The following RABGAP1L variants were observed in gnomAD, a reference collection of about 807,000 sequenced individuals.
RABGAP1L encodes the protein rab GTPase-activating protein 1-like.
A neutral mutation model predicts 137.7 loss-of-function variants in RABGAP1L; 63 were observed. The ratio of observed to expected loss-of-function variants is 0.46; its 90% CI spans 0.37 to 0.56. The LOEUF (loss-of-function observed/expected upper bound fraction) is 0.56, where lower values mean the gene tolerates loss of function less well. RABGAP1L is among the 20% of genes least tolerant of loss of function. The probability of loss-of-function intolerance (pLI) is 0.00; values close to 1 mark genes in which losing one functional copy is unlikely to be tolerated. For missense variants in RABGAP1L, 1,095 were observed against 1,244.0 expected, an observed-to-expected ratio of 0.88 and a Z score of 1.80; for synonymous variants, 431 against 433.7, an observed-to-expected ratio of 0.99 and a Z score of 0.08.
Position 174,780,120 on chromosome 1 carries a change from T to A in RABGAP1L, c.2211+27766T>A, listed in dbSNP as rs144879602. Among the ~76,000 whole-genome samples the A allele has an allele frequency of 6.8e-3, 951 of 140,482 alleles. 8 individuals are homozygous for A. Among genetic ancestry groups the A allele is most frequent in the Middle Eastern group, 0.019 (5 of 268 alleles). 92.2% of individuals were successfully genotyped at this position (140,482 alleles called of 152,430 possible). On this transcript the variant is annotated intron_variant, in intron 18 of 25. Coordinates refer to ENST00000681986, the MANE Select transcript of RABGAP1L (RefSeq NM_001366446.1). ...TAAATAAATAAATAAATAAATAAAT[T>A]AAATAAGCCCTAATTAAAATTTCCC... is the stretch of plus-strand genomic sequence containing the variant.
intron 19 of RABGAP1L, among the ~76,000 whole-genome samples, chr1:174,930,498 G>A (rs1192682484): frequency 6.6e-6 from 1 of 151,772 alleles, no homozygotes; most frequent in African/African-American, 2.4e-5. Flanking sequence ...TTTATTTTTT[G>A]TAGAGATAGG....
chr1:174,168,862 A>G (rs1354322266), intron 1 of RABGAP1L, among the ~76,000 whole-genome samples: 5 of 152,244 alleles, frequency 3.3e-5, no homozygotes, highest in Non-Finnish European at 2.9e-5. Context: ...TTAAAAGTTA[A>G]AAAAATATTT....
intron 11 of RABGAP1L, among the ~76,000 whole-genome samples, chr1:174,364,424 T>G (rs1478197352): frequency 4.7e-5 from 7 of 150,012 alleles, no homozygotes; most frequent in Non-Finnish European, 1.5e-5. Context: ...CCGGCTAATT[T>G]TTTGTATTTT....
chr1:174,828,274 CCCTCTA>C (rs1316496364), intron 19 of RABGAP1L, among the ~76,000 whole-genome samples: 1 of 147,672 alleles, frequency 6.8e-6, no homozygotes, highest in African/African-American at 2.5e-5. Context: ...GGTTTCTGTC[CCCTCTA>C]GTTTCCTCTG....
intron 13 of RABGAP1L, among the ~76,000 whole-genome samples, chr1:174,500,360 G>C (rs972898512): frequency 2.0e-5 from 3 of 152,108 alleles, no homozygotes; most frequent in Admixed American, 2.0e-4. Flanking sequence ...CATTACAGGT[G>C]TGAGCCACTG....
intron 13 of RABGAP1L, among the ~76,000 whole-genome samples, chr1:174,402,078 G>A (rs1056225757): frequency 1.3e-5 from 2 of 152,134 alleles, no homozygotes; most frequent in African/African-American, 4.8e-5. Context: ...CTCAGTAGAT[G>A]CTAAACGCTT....
intron 13 of RABGAP1L, among the ~76,000 whole-genome samples, chr1:174,596,285 A>G (rs1396487361): frequency 6.6e-6 from 1 of 150,896 alleles, no homozygotes; most frequent in Non-Finnish European, 1.5e-5. Context: ...CCGGTACCTC[A>G]GATGGAAATG....
chr1:174,200,803 G>T (rs929653809), intron 1 of RABGAP1L, among the ~76,000 whole-genome samples: 4 of 151,994 alleles, frequency 2.6e-5, no homozygotes, highest in Non-Finnish European at 5.9e-5. Context: ...ATGTTCTCTT[G>T]TCCCTGCTGG....
At chr1:174,615,166 G>T (rs572272551) in intron 13 of RABGAP1L, among the ~76,000 whole-genome samples, 1 of 152,118 alleles carries the variant, frequency 6.6e-6, no homozygotes, top group Non-Finnish European at 1.5e-5. Flanking sequence ...GCTTTTTACA[G>T]TTTCCAGTTT....
intron 7 of RABGAP1L, among the ~76,000 whole-genome samples, chr1:174,271,874 A>G (rs375492843): frequency 2.6e-5 from 4 of 152,096 alleles, no homozygotes; most frequent in South Asian, 2.1e-4. Flanking sequence ...TAAAGTTTGC[A>G]TAACTTTTTT....
intron 14 of RABGAP1L, among the ~76,000 whole-genome samples, chr1:174,652,802 T>C (rs942040298): frequency 2.0e-5 from 3 of 152,180 alleles, no homozygotes; most frequent in Admixed American, 6.5e-5. Context: ...TGGCAGTCTG[T>C]CCCTTAGCAG....
At chr1:174,223,899 C>T (rs1206024806) in intron 3 of RABGAP1L, among the ~76,000 whole-genome samples, 1 of 152,090 alleles carries the variant, frequency 6.6e-6, no homozygotes, top group Non-Finnish European at 1.5e-5. Flanking sequence ...CAGAAACAAA[C>T]CTATGTATAT....
chr1:174,389,005 C>T (rs1326938892), intron 12 of RABGAP1L, among the ~76,000 whole-genome samples: 1 of 151,518 alleles, frequency 6.6e-6, no homozygotes, highest in Non-Finnish European at 1.5e-5. Context: ...GCTTTTTCTG[C>T]TGTTTTTATT....
At chr1:174,528,244 A>G (rs1037206043) in intron 13 of RABGAP1L, among the ~76,000 whole-genome samples, 3 of 150,822 alleles carry the variant, frequency 2.0e-5, no homozygotes, top group African/African-American at 7.3e-5. Context: ...CTTGTTTGTC[A>G]TTGTGTTTTG....
intron 14 of RABGAP1L, among the ~76,000 whole-genome samples, chr1:174,674,403 C>T (rs1677431168): frequency 6.7e-6 from 1 of 149,832 alleles, no homozygotes; most frequent in African/African-American, 2.5e-5. Flanking sequence ...CATGTCCCTA[C>T]AAAGGGCATG....
chr1:174,923,888 A>G (rs1349028677), intron 19 of RABGAP1L, among the ~76,000 whole-genome samples: 3 of 152,066 alleles, frequency 2.0e-5, no homozygotes, highest in South Asian at 4.2e-4. Context: ...CAAAAAAAAA[A>G]AAAAAAAGAA....
intron 19 of RABGAP1L, among the ~76,000 whole-genome samples, chr1:174,941,642 C>T (rs1665889163): frequency 6.6e-6 from 1 of 151,964 alleles, no homozygotes; most frequent in South Asian, 2.1e-4. Flanking sequence ...TGTCTTCAGT[C>T]TTTGGAGGCA....
intron 5 of RABGAP1L, among the ~76,000 whole-genome samples, chr1:174,249,283 T>C (rs1159188229): frequency 6.6e-6 from 1 of 152,190 alleles, no homozygotes; most frequent in Non-Finnish European, 1.5e-5. Context: ...CTGGTAGCTC[T>C]TTATGTTACT....
chr1:174,663,845 C>T (rs1167358828), intron 14 of RABGAP1L, among the ~76,000 whole-genome samples: 1 of 152,176 alleles, frequency 6.6e-6, no homozygotes, highest in East Asian at 1.9e-4. Flanking sequence ...CAAGTATTCT[C>T]CTGCTATATA....
Sources: allele counts gnomAD v4.1 joint callset (sites outside exome capture counted in the v4.1 genomes callset), GRCh38; gene constraint gnomAD v4.1.1; transcripts MANE v1.5; gene names NCBI Gene and HGNC (gene_info 2026-07-23, HGNC 2026-07-21).